PLAAT1: variants seen among roughly 807,000 people sequenced by gnomAD.
PLAAT1 encodes the protein phospholipase A and acyltransferase 1.
A neutral mutation model predicts 16.4 loss-of-function variants in PLAAT1; 13 were observed. The observed-to-expected ratio is 0.79, with a 90% CI of 0.52 to 1.26. PLAAT1 has a LOEUF of 1.26. Ranked by LOEUF, PLAAT1 falls within the 50% of genes most tolerant of loss-of-function variation. The probability of loss-of-function intolerance (pLI) is 0.00; values close to 1 mark genes in which losing one functional copy is unlikely to be tolerated. For synonymous variants in PLAAT1, 73 were observed against 78.4 expected (o/e 0.93, Z 0.36); for missense variants, 218 against 207.8 (o/e 1.05, Z -0.30).
chr3:193,240,961 T>G (rs1043083000), upstream of PLAAT1, among the ~76,000 whole-genome samples: 1 of 152,104 alleles, frequency 6.6e-6, no homozygotes, highest in South Asian at 2.1e-4. Context: ...CAGCGCCTGG[T>G]GCCCTAAACG....
downstream of PLAAT1, among the ~76,000 whole-genome samples, chr3:193,275,640 G>T (rs1042173061): frequency 6.6e-6 from 1 of 152,206 alleles, no homozygotes; most frequent in African/African-American, 2.4e-5. Context: ...ATCACCATTA[G>T]CCTTGCTACC....
downstream of PLAAT1, among the ~76,000 whole-genome samples, chr3:193,273,555 G>A (rs187029589): frequency 1.2e-4 from 19 of 152,268 alleles, no homozygotes; most frequent in South Asian, 1.9e-3. Flanking sequence ...TATTGAATCC[G>A]TACATCATGG....
At chr3:193,273,899 T>G (rs1717068656), downstream of PLAAT1, among the ~76,000 whole-genome samples, 1 of 152,172 alleles carries the variant, frequency 6.6e-6, no homozygotes, top group Non-Finnish European at 1.5e-5. Flanking sequence ...AAGTCCCTTT[T>G]CTAGCATTGT....
chr3:193,279,997 A>AAAAAG, downstream of PLAAT1, among the ~76,000 whole-genome samples: 1 of 150,352 alleles, frequency 6.7e-6, no homozygotes. Context: ...AAAAAAAAAA[A>AAAAAG]AAAAAAGCCC....
At chr3:193,263,481 A>G (rs1403120578) in intron 3 of PLAAT1, among the ~76,000 whole-genome samples, 1 of 56,616 alleles carries the variant, frequency 1.8e-5, no homozygotes, top group Non-Finnish European at 3.2e-5. Context: ...GCATTCTGTC[A>G]ATCTTACTGC....
rs1261700646 is a variant in PLAAT1, at chr3:193,268,121, C to T, written c.406-2483C>T. ...TTTGTCTTTTACAGTTGTTTTCTCT[C>T]AGTTTGTGTCTTATCTTTTATGTAT... On this transcript the variant is annotated intron_variant, in intron 3 of 3. Transcript: ENST00000264735. 5.9e-5 allele frequency among the ~76,000 whole-genome samples: 9 copies of T among 152,264 alleles called. No individual in the cohort carries two copies. In the East Asian group the frequency reaches 1.5e-3, roughly 26 times the overall value.
chr3:193,262,303 T>C (rs966342639), intron 2 of PLAAT1, among the ~76,000 whole-genome samples: 4 of 149,720 alleles, frequency 2.7e-5, no homozygotes, highest in Non-Finnish European at 4.4e-5. Flanking sequence ...TGGTAGACAG[T>C]GCCTACCAAG....
intron 1 of PLAAT1, among the ~76,000 whole-genome samples, chr3:193,247,550 C>A (rs181870708): frequency 1.3e-5 from 2 of 152,166 alleles, no homozygotes; most frequent in African/African-American, 2.4e-5. Flanking sequence ...CAAGTGTCTG[C>A]GTGCCTAATT....
intron 2 of PLAAT1, among the ~76,000 whole-genome samples, chr3:193,261,325 G>A (rs1716576855): frequency 6.6e-6 from 1 of 151,232 alleles, no homozygotes; most frequent in South Asian, 2.1e-4. Context: ...CTGAGATTGG[G>A]CCACTACACT....
At chr3:193,257,310 A>G (rs1716414247) in intron 2 of PLAAT1, among the ~76,000 whole-genome samples, 1 of 152,228 alleles carries the variant, frequency 6.6e-6, no homozygotes, top group South Asian at 2.1e-4. Flanking sequence ...GTTTCCAGGA[A>G]TAAATAGGCA....
At chr3:193,261,455 G>A (rs1577307680) in intron 2 of PLAAT1, among the ~76,000 whole-genome samples, 1 of 152,038 alleles carries the variant, frequency 6.6e-6, no homozygotes, top group Admixed American at 6.5e-5. Flanking sequence ...ATAGACCTAA[G>A]TTTTATTATC....
intron 2 of PLAAT1, among the ~76,000 whole-genome samples, chr3:193,256,997 C>G (rs1206200436): frequency 6.6e-6 from 1 of 152,070 alleles, no homozygotes; most frequent in African/African-American, 2.4e-5. Context: ...TCAGAGATGC[C>G]TATATTTAGG....
chr3:193,249,842 G>C (rs1214491375), intron 1 of PLAAT1, among the ~76,000 whole-genome samples: 1 of 151,506 alleles, frequency 6.6e-6, no homozygotes, highest in African/African-American at 2.4e-5. Context: ...TGGTTTGTTT[G>C]GTACTTTTTA....
At chr3:193,247,194 GAGTT>G (rs1457033683) in intron 1 of PLAAT1, among the ~76,000 whole-genome samples, 12 of 152,240 alleles carry the variant, frequency 7.9e-5, no homozygotes, top group African/African-American at 2.9e-4. Flanking sequence ...ATGTTGAAAG[GAGTT>G]AGTTAGCTTG....
chr3:193,262,498 A>G (rs1290856476), intron 2 of PLAAT1, among the ~76,000 whole-genome samples: 1 of 152,020 alleles, frequency 6.6e-6, no homozygotes, highest in African/African-American at 2.4e-5. Context: ...CAAGTTTCAG[A>G]CGCTTAGGGA....
chr3:193,254,134 C>T (rs1716293099), intron 1 of PLAAT1, among the ~76,000 whole-genome samples: 1 of 152,080 alleles, frequency 6.6e-6, no homozygotes, highest in Admixed American at 6.5e-5. Flanking sequence ...TAGACTTAAT[C>T]GTTTTCATAA....
At chr3:193,248,689 C>G (rs985963727) in intron 1 of PLAAT1, among the ~76,000 whole-genome samples, 11 of 152,092 alleles carry the variant, frequency 7.2e-5, no homozygotes, top group African/African-American at 2.7e-4. Flanking sequence ...TGTACAAACT[C>G]TAAACTTTTA....
chr3:193,275,369 A>G, downstream of PLAAT1: 7 of 1,548,874 alleles, frequency 4.5e-6, no homozygotes, highest in Non-Finnish European at 6.1e-6. Context: ...GCCGCTGGCC[A>G]CCACAGCCAC....
intron 2 of PLAAT1, among the ~76,000 whole-genome samples, chr3:193,259,881 T>G (rs1216028821): frequency 1.3e-5 from 2 of 152,034 alleles, no homozygotes. Flanking sequence ...TTCTAAAATT[T>G]GTATGGAACC....
Sources: allele counts gnomAD v4.1 joint callset (sites outside exome capture counted in the v4.1 genomes callset), GRCh38; gene constraint gnomAD v4.1.1; transcripts MANE v1.5; gene names NCBI Gene and HGNC (gene_info 2026-07-23, HGNC 2026-07-21).